Variants in ZFHX3 observed in about 807,000 individuals in gnomAD.
ZFHX3 encodes zinc finger homeobox 3.
A neutral mutation model predicts 279.1 loss-of-function variants in ZFHX3; 42 were observed. That is an observed-to-expected ratio of 0.15 (90% confidence interval 0.12 to 0.19). The LOEUF is 0.19. ZFHX3 is among the 10% of genes least tolerant of loss of function. The pLI, the probability that ZFHX3 is intolerant of heterozygous loss-of-function variation, is 1.00. For synonymous variants in ZFHX3, 2,293 were observed against 1,957.8 expected, an observed-to-expected ratio of 1.17 and a Z score of -4.52; for missense variants, 4,981 against 4,754.0, an observed-to-expected ratio of 1.05 and a Z score of -1.40.
intron 1 of ZFHX3, chr16:73,014,170 T>C (rs1371632644): frequency 1.3e-5 from 2 of 152,130 alleles, no homozygotes; most frequent in South Asian, 2.1e-4. Flanking sequence ...ACCTAGACCA[T>C]GCAAGGAAAT....
At chr16:73,102,203 T>C (rs1966240550) in intron 7 of ZFHX3, among the ~76,000 whole-genome samples, 1 of 152,170 alleles carries the variant, frequency 6.6e-6, no homozygotes, top group South Asian at 2.1e-4. Context: ...AGTGAGCCAC[T>C]GTGCCTGGCC....
chr16:73,026,030 T>C (rs1472362344), intron 1 of ZFHX3, among the ~76,000 whole-genome samples: 1 of 151,904 alleles, frequency 6.6e-6, no homozygotes, highest in Non-Finnish European at 1.5e-5. Context: ...ACCCATGTCT[T>C]GGCAGTCTCC....
At chr16:72,904,787 C>T (rs2039130359) in intron 3 of ZFHX3, among the ~76,000 whole-genome samples, 1 of 152,116 alleles carries the variant, frequency 6.6e-6, no homozygotes, top group Non-Finnish European at 1.5e-5. Flanking sequence ...GGGGGGGTCC[C>T]ACAGCACCAG....
intron 1 of ZFHX3, among the ~76,000 whole-genome samples, chr16:73,831,031 A>C (rs1013303667): frequency 3.3e-5 from 5 of 152,198 alleles, no homozygotes; most frequent in Non-Finnish European, 5.9e-5. Context: ...CAGATGTTAC[A>C]TATTTCTCTT....
intron 4 of ZFHX3, among the ~76,000 whole-genome samples, chr16:72,849,251 A>C (rs193115246): frequency 9.2e-5 from 14 of 152,204 alleles, no homozygotes; most frequent in Admixed American, 2.6e-4. Context: ...CGCCCCTAAC[A>C]GCCCCTGAGA....
At chr16:73,305,513 A>G (rs899730752) in intron 4 of ZFHX3, among the ~76,000 whole-genome samples, 1 of 152,004 alleles carries the variant, frequency 6.6e-6, no homozygotes, top group Non-Finnish European at 1.5e-5. Context: ...CTTAGGAATA[A>G]CAATCAGTTG....
At chr16:73,211,030 T>A (rs1435727124) in intron 5 of ZFHX3, among the ~76,000 whole-genome samples, 1 of 152,110 alleles carries the variant, frequency 6.6e-6, no homozygotes, top group East Asian at 1.9e-4. Flanking sequence ...GACTCTTGGG[T>A]CCATTCTATA....
At chr16:73,172,856 T>A (rs975641658) in intron 5 of ZFHX3, among the ~76,000 whole-genome samples, 3 of 151,670 alleles carry the variant, frequency 2.0e-5, no homozygotes, top group African/African-American at 7.3e-5. Context: ...ACTTTTCCCT[T>A]GTTCTTCAGC....
chr16:73,712,156 T>C lies in ZFHX3; in HGVS notation c.-1607-31916A>G, dbSNP rs554655720. Reference sequence around the variant, plus strand: ...AACCCCCGGTTCATCATGGGCCTTATTTTCCCCAGCTTTGTCGCCACCAAG... The same window carrying C: ...AACCCCCGGTTCATCATGGGCCTTACTTTCCCCAGCTTTGTCGCCACCAAG... On this transcript the variant is annotated intron_variant, in intron 1 of 17. Transcript: ENST00000641206. 1.1e-4 allele frequency among the ~76,000 whole-genome samples: 17 copies of C among 152,294 alleles called. No homozygotes were observed. The South Asian group carries it at 3.5e-3, about 32-fold the overall frequency.
intron 2 of ZFHX3, among the ~76,000 whole-genome samples, chr16:72,952,795 CAGG>C (rs1471496915): frequency 2.0e-5 from 3 of 152,164 alleles, no homozygotes; most frequent in Non-Finnish European, 2.9e-5. Flanking sequence ...TTATTTCTAC[CAGG>C]AGAATGGCTT....
chr16:73,735,873 T>C (rs954916440), intron 1 of ZFHX3, among the ~76,000 whole-genome samples: 10 of 151,698 alleles, frequency 6.6e-5, no homozygotes, highest in African/African-American at 2.4e-4. Context: ...GAAGGCAAAA[T>C]GAAGCACCAG....
At chr16:72,863,340 TAAAAAAAAAA>T (rs66692129) in intron 4 of ZFHX3, among the ~76,000 whole-genome samples, 1 of 64,630 alleles carries the variant, frequency 1.5e-5, no homozygotes, top group Admixed American at 2.0e-4. Flanking sequence ...TCATCTCTAC[TAAAAAAAAAA>T]AAAAAAAAAA....
chr16:72,900,596 C>T (rs985384935), intron 3 of ZFHX3, among the ~76,000 whole-genome samples: 16 of 152,332 alleles, frequency 1.1e-4, no homozygotes, highest in East Asian at 3.9e-4. Flanking sequence ...CTGATGGGCA[C>T]GTACAGCCAG....
intron 1 of ZFHX3, among the ~76,000 whole-genome samples, chr16:73,765,216 G>A (rs898698766): frequency 2.3e-4 from 35 of 152,062 alleles, no homozygotes; most frequent in Admixed American, 5.9e-4. Context: ...CCAAGCAACC[G>A]AAGTCACTAC....
At chr16:73,278,577 G>C (rs772484654) in intron 4 of ZFHX3, among the ~76,000 whole-genome samples, 3 of 152,314 alleles carry the variant, frequency 2.0e-5, no homozygotes, top group East Asian at 1.9e-4. Flanking sequence ...GGACCTGAGC[G>C]AGTAGGAGGT....
rs745914414 is a variant in ZFHX3 at position 73,790,265 on chromosome 16, CT to C, written c.-1608+101385del. Among the ~76,000 whole-genome samples, 592 of 137,360 alleles carry C rather than the reference CT, an allele frequency of 4.3e-3. 1 individual carries two copies. The highest frequency in any genetic ancestry group is 0.014 in the South Asian group (59 of 4,284). The allele number at this position is 137,360 out of a possible 152,430, so 90.1% of individuals were successfully genotyped here. On this transcript the variant is annotated intron_variant, in intron 1 of 17. Transcript: ENST00000641206. ...TCAAAAGGGGATAAAAAGGGAGTGT[CT>C]TTTTTTTTTTTTCATTTTTGGAAAC...
At chr16:72,906,863 T>TG (rs1468947270) in intron 3 of ZFHX3, among the ~76,000 whole-genome samples, 1 of 151,972 alleles carries the variant, frequency 6.6e-6, no homozygotes, top group Non-Finnish European at 1.5e-5. Context: ...TGGTAGGAGT[T>TG]GGGGAGGAGC....
chr16:73,861,227 A>C (rs1398536054), intron 1 of ZFHX3, among the ~76,000 whole-genome samples: 1 of 152,078 alleles, frequency 6.6e-6, no homozygotes, highest in Non-Finnish European at 1.5e-5. Context: ...CGGTCTCCAA[A>C]ATGCTGGGAT....
At chr16:73,027,765 T>C (rs1964564207) in intron 1 of ZFHX3, among the ~76,000 whole-genome samples, 1 of 152,154 alleles carries the variant, frequency 6.6e-6, no homozygotes, top group Admixed American at 6.5e-5. Context: ...TAAATGGCTG[T>C]GCAGAAAGCA....
Sources: allele counts gnomAD v4.1 joint callset (sites outside exome capture counted in the v4.1 genomes callset), GRCh38; gene constraint gnomAD v4.1.1; transcripts MANE v1.5; gene names NCBI Gene and HGNC (gene_info 2026-07-23, HGNC 2026-07-21).